Variants in MPRIP observed in about 807,000 individuals in gnomAD.
The protein encoded by MPRIP is myosin phosphatase Rho interacting protein.
In MPRIP, 59 loss-of-function variants were observed where a neutral mutation model predicts 234.9. That is an observed-to-expected ratio of 0.25 (90% CI 0.20 to 0.31). The LOEUF is 0.31. Among genes scored for constraint, MPRIP ranks in the 10% least tolerant of loss-of-function variants. MPRIP has a pLI of 1.00. For synonymous variants in MPRIP, 1,144 were observed against 1,263.9 expected (o/e 0.91, Z 2.01); for missense variants, 2,436 against 3,071.0 (o/e 0.79, Z 4.89).
At chr17:17,077,595 T>C (rs1056840421) in intron 2 of MPRIP, 7 of 161,314 alleles carry the variant, frequency 4.3e-5, no homozygotes, top group Admixed American at 4.2e-4. Flanking sequence ...AAGTGGTGAA[T>C]CCATGCCTTG....
At chr17:17,048,846 A>AT (rs956153681) in intron 1 of MPRIP, among the ~76,000 whole-genome samples, 16 of 152,218 alleles carry the variant, frequency 1.1e-4, no homozygotes, top group Non-Finnish European at 2.4e-4. Flanking sequence ...GCCAAGAAGA[A>AT]TTGAGGACAG....
chr17:17,133,111 A>G (rs1194641120), intron 5 of MPRIP, among the ~76,000 whole-genome samples: 1 of 152,060 alleles, frequency 6.6e-6, no homozygotes, highest in Non-Finnish European at 1.5e-5. Context: ...ACAGCTACCC[A>G]TGACCAAGTT....
intron 9 of MPRIP, among the ~76,000 whole-genome samples, 157 bp downstream of exon 9, chr17:17,143,826 C>T (rs957677392): frequency 1.3e-5 from 2 of 152,180 alleles, no homozygotes; most frequent in Non-Finnish European, 2.9e-5. Flanking sequence ...CACAGGCCGT[C>T]GAACACAGAT....
chr17:17,147,419 G>A lies in MPRIP; in HGVS notation c.1629+32G>A, dbSNP rs200161526. On this transcript the variant is annotated intron_variant, in intron 11 of 23. Coordinates refer to ENST00000651222, the MANE Select transcript of MPRIP (RefSeq NM_001364716.4). The stretch of plus-strand genomic sequence containing the variant: ...GTCTGGGCTTTGCCTCTGCTGTGGA[G>A]ACAGCTGGAGGGGTCCAGGCGGCAT... The A allele has an allele frequency of 1.6e-4, 256 of 1,601,474 alleles. 1 individual carries two copies. The African/African-American group carries it at 3.0e-3, about 19-fold the overall frequency.
At chr17:17,050,098 C>A (rs1034569414) in intron 1 of MPRIP, among the ~76,000 whole-genome samples, 1 of 152,114 alleles carries the variant, frequency 6.6e-6, no homozygotes, top group African/African-American at 2.4e-5. Flanking sequence ...GAGGCCGAGG[C>A]GGGTGGATCA....
chr17:17,151,541 G>GTT (rs2045603229), intron 12 of MPRIP, among the ~76,000 whole-genome samples: 7 of 152,318 alleles, frequency 4.6e-5, no homozygotes, highest in Admixed American at 3.9e-4. Flanking sequence ...TCCACCTAAA[G>GTT]CCCTTCCCGC....
At chr17:17,090,060 C>T (rs1417074340) in intron 3 of MPRIP, among the ~76,000 whole-genome samples, 1 of 152,202 alleles carries the variant, frequency 6.6e-6, no homozygotes, top group Non-Finnish European at 1.5e-5. Context: ...GGAAAAGACT[C>T]CTTGTCCTTG....
Position 17,190,936 on chromosome 17 carries a change from G to A in MPRIP, c.*6042G>A, listed in dbSNP as rs2046574370. 2 of 152,194 alleles carry A rather than the reference G, an allele frequency of 1.3e-5. No homozygotes were observed. The highest frequency in any genetic ancestry group is 4.8e-5 in the African/African-American group (2 of 41,436). The allele number at this position is 152,194 out of a possible 1,614,324, so 9.4% of individuals were successfully genotyped here. ...TAAATATTACTGAGAAGTTACTGCA[G>A]GGATTTTTGTGACAGAGTTTGTATG... On this transcript the variant is annotated 3_prime_UTR_variant, in exon 24 of 24. Coordinates refer to ENST00000651222, the MANE Select transcript of MPRIP (RefSeq NM_001364716.4).
Position 17,063,568 on chromosome 17 carries a change from C to T in MPRIP, c.124-12142C>T, listed in dbSNP as rs1424288859. Among the ~76,000 whole-genome samples the T allele has an allele frequency of 5.9e-5, 9 of 152,240 alleles. No individual in the cohort carries two copies. In the South Asian group the frequency reaches 1.9e-3, roughly 32 times the overall value. On this transcript the variant is annotated intron_variant, in intron 1 of 23. Coordinates refer to ENST00000651222, the MANE Select transcript of MPRIP (RefSeq NM_001364716.4). Reference sequence around the variant, plus strand: ...GATGGGGTGAGAAGAGTGAGACCCACCTGTCTGCATCGACTGTTTGAGGCC... The same window carrying T: ...GATGGGGTGAGAAGAGTGAGACCCATCTGTCTGCATCGACTGTTTGAGGCC...
Position 17,158,575 on chromosome 17 carries a change from C to T in MPRIP, c.1973C>T (p.Ser658Phe), listed in dbSNP as rs946740293. The change falls in exon 14 of 24, where the codon TCC becomes TTC. Residue 658 changes from serine (S) to phenylalanine (F), a missense_variant. This residue lies in a region of MPRIP where 1,998 missense variants were observed against 2,520.3 expected (regional missense o/e 0.79). Coordinates refer to ENST00000651222, the MANE Select transcript of MPRIP (RefSeq NM_001364716.4). ...CGGGAGCGGAGGCGAGAGGGCCGCT[C>T]CAAGACCTTTGACTGGGCTGAGTTC... ...RARERRREGR[S>F]KTFDWAEFRP... 9.9e-6 allele frequency: 16 copies of T among 1,610,224 alleles called. No homozygotes were observed. The highest frequency in any genetic ancestry group is 1.3e-5 in the Non-Finnish European group (15 of 1,179,342).
At chr17:17,049,496 T>G (rs1057023510) in intron 1 of MPRIP, among the ~76,000 whole-genome samples, 4 of 152,210 alleles carry the variant, frequency 2.6e-5, no homozygotes, top group Non-Finnish European at 4.4e-5. Flanking sequence ...ATCTGATTGT[T>G]TCTAGAGTCT....
chr17:17,106,452 A>G (rs766202463), intron 3 of MPRIP, among the ~76,000 whole-genome samples: 15 of 152,190 alleles, frequency 9.9e-5, no homozygotes, highest in Non-Finnish European at 1.8e-4. Flanking sequence ...ACCACTTCAG[A>G]GAGAGGGCAG....
chr17:17,105,584 T>A (rs2090047643), intron 3 of MPRIP, among the ~76,000 whole-genome samples: 1 of 152,198 alleles, frequency 6.6e-6, no homozygotes, highest in Non-Finnish European at 1.5e-5. Flanking sequence ...CCTTGGCCAC[T>A]GAGTCAGGCC....
intron 14 of MPRIP, 68 bp from the exon 15 acceptor site, chr17:17,161,172 C>T (rs1242144346): frequency 1.8e-6 from 2 of 1,120,438 alleles, no homozygotes; most frequent in Non-Finnish European, 2.6e-6. Context: ...GTGAAAGAGT[C>T]TGTGCTGTGC....
chr17:17,128,280 T>C (rs1365130569), intron 4 of MPRIP, among the ~76,000 whole-genome samples: 4 of 152,092 alleles, frequency 2.6e-5, no homozygotes, highest in African/African-American at 9.7e-5. Flanking sequence ...ACAGGTGGGA[T>C]GGATGGGAGT....
Position 17,190,339 on chromosome 17 carries a change from C to T in MPRIP, c.*5445C>T, listed in dbSNP as rs1051707411. The T allele has an allele frequency of 1.3e-5, 2 of 152,252 alleles. No individual in the cohort carries two copies. Among genetic ancestry groups the T allele is most frequent in the African/African-American group, 4.8e-5 (2 of 41,448 alleles). The allele number at this position is 152,252 out of a possible 1,614,324, so 9.4% of individuals were successfully genotyped here. A position where few individuals can be genotyped will look rare whatever the true frequency, so the allele number is the denominator to read the frequency against. ...CAGCTACGGCAGGTTGTTCTGCAGC[C>T]ACCCCTTAGAGGGGGCTCTTCGTTT... On this transcript the variant is annotated 3_prime_UTR_variant, in exon 24 of 24. Transcript: ENST00000651222.
chr17:17,093,782 G>A (rs369595980), intron 3 of MPRIP, among the ~76,000 whole-genome samples: 3 of 152,154 alleles, frequency 2.0e-5, no homozygotes, highest in Non-Finnish European at 2.9e-5. Flanking sequence ...AGAATACTCC[G>A]GTGCCTACCT....
intron 5 of MPRIP, among the ~76,000 whole-genome samples, chr17:17,134,558 G>A (rs1489478585): frequency 6.6e-6 from 1 of 152,226 alleles, no homozygotes; most frequent in East Asian, 1.9e-4. Flanking sequence ...GCCCTAAGCT[G>A]AGTAGGTGGT....
At chr17:17,111,662 G>A (rs2090173944) in intron 3 of MPRIP, among the ~76,000 whole-genome samples, 1 of 152,198 alleles carries the variant, frequency 6.6e-6, no homozygotes, top group Non-Finnish European at 1.5e-5. Flanking sequence ...GACTTGTTCA[G>A]ACTCTTCTGC....
Sources: allele counts gnomAD v4.1 joint callset (sites outside exome capture counted in the v4.1 genomes callset), GRCh38; gene constraint gnomAD v4.1.1; regional missense constraint gnomAD v4.1.1; transcripts MANE v1.5; gene names NCBI Gene and HGNC (gene_info 2026-07-23, HGNC 2026-07-21).